The following RANBP2 variants were observed in gnomAD, a reference collection of about 807,000 sequenced individuals.
RANBP2 encodes RAN binding protein 2.
RANBP2 carries 57 observed loss-of-function variants against 303.6 expected under a neutral mutation model. That is an observed-to-expected ratio of 0.19 (90% confidence interval 0.15 to 0.23). RANBP2 has a LOEUF of 0.23. Ranked by LOEUF, RANBP2 falls within the 10% of genes least tolerant of loss-of-function variation. RANBP2 has a pLI of 1.00. For missense variants in RANBP2, 3,138 were observed against 3,780.8 expected (o/e 0.83, Z 4.46); for synonymous variants, 1,167 against 1,301.5 (o/e 0.90, Z 2.23).
the RANBP2 span, among the ~76,000 whole-genome samples, chr2:109,770,590 CG>C: frequency 2.8e-5 from 1 of 35,758 alleles, no homozygotes; most frequent in East Asian, 1.2e-3. Flanking sequence ...AATATTGGTC[CG>C]GGGCCTGTTA....
the RANBP2 span, among the ~76,000 whole-genome samples, chr2:109,256,143 G>T: frequency 6.6e-6 from 1 of 152,140 alleles, no homozygotes; most frequent in African/African-American, 2.4e-5. Context: ...GCTTCTGGCC[G>T]CTGTGACCCA....
intron 19 of RANBP2, among the ~76,000 whole-genome samples, chr2:108,762,896 A>T (rs1407716875): frequency 6.6e-6 from 1 of 152,178 alleles, no homozygotes; most frequent in African/African-American, 2.4e-5. Flanking sequence ...AGATTTTAAG[A>T]TGCTATACAT....
chr2:109,692,593 C>T, the RANBP2 span, among the ~76,000 whole-genome samples: 45 of 152,082 alleles, frequency 3.0e-4, no homozygotes, highest in African/African-American at 8.9e-4. Flanking sequence ...AGGCCGAGGC[C>T]GTGTGGGAGA....
At chr2:109,455,344 TACC>T in the RANBP2 span, among the ~76,000 whole-genome samples, 1 of 152,194 alleles carries the variant, frequency 6.6e-6, no homozygotes, top group Non-Finnish European at 1.5e-5. Flanking sequence ...ATGAATCACT[TACC>T]AGTCCATGTG....
the RANBP2 span, among the ~76,000 whole-genome samples, chr2:108,855,370 A>G: frequency 3.9e-5 from 6 of 152,138 alleles, no homozygotes; most frequent in African/African-American, 1.4e-4. Context: ...TTGTCAAATT[A>G]TATACTAAGA....
At chr2:109,572,256 G>C in the RANBP2 span, among the ~76,000 whole-genome samples, 4 of 152,004 alleles carry the variant, frequency 2.6e-5, no homozygotes, top group African/African-American at 9.7e-5. Flanking sequence ...TCAGTCTCCC[G>C]AGTAGCCGGG....
chr2:109,627,517 G>A, the RANBP2 span, among the ~76,000 whole-genome samples: 1 of 152,186 alleles, frequency 6.6e-6, no homozygotes, highest in Non-Finnish European at 1.5e-5. Context: ...TTTAATGGAA[G>A]AACATAAAAG....
the RANBP2 span, among the ~76,000 whole-genome samples, chr2:108,841,328 C>T: frequency 2.6e-5 from 4 of 152,126 alleles, no homozygotes; most frequent in East Asian, 5.8e-4. Context: ...ATACTTTGTC[C>T]TGTTCTATCA....
At chr2:109,700,928 G>A in the RANBP2 span, among the ~76,000 whole-genome samples, 1 of 152,144 alleles carries the variant, frequency 6.6e-6, no homozygotes, top group Non-Finnish European at 1.5e-5. Flanking sequence ...GGGAGTTTAG[G>A]GAAAGGCAAG....
Position 108,766,316 on chromosome 2 carries a change from A to G in RANBP2, c.5777A>G (p.Asp1926Gly), listed in dbSNP as rs1279242218. Residue 1926 changes from aspartate to glycine, a missense_variant, in exon 20 of 29, where the codon GAT (aspartate) becomes GGT (glycine). By Grantham distance (94) the Asp-to-Gly change is moderately conservative (BLOSUM62 -1). This residue lies in a region of RANBP2 where 348 missense variants were observed against 360.4 expected (regional missense o/e 0.97). Transcript: ENST00000283195. ...LENGTGFQAQ[D>G]ISGQKNGRGV... ...AATGGTACTGGCTTCCAGGCTCAGG[A>G]TATTAGTGGCCAGAAGAATGGCCGT... 1.2e-6 allele frequency: 2 copies of G among 1,612,024 alleles called. No individual in the cohort carries two copies. The highest frequency in any genetic ancestry group is 2.2e-5 in the East Asian group (1 of 44,880).
the RANBP2 span, among the ~76,000 whole-genome samples, chr2:109,623,204 G>A: frequency 7.9e-5 from 12 of 152,108 alleles, no homozygotes; most frequent in Non-Finnish European, 1.2e-4. Flanking sequence ...TTGTTCTATC[G>A]GAATCTATTA....
At chr2:108,967,886 G>A in the RANBP2 span, among the ~76,000 whole-genome samples, 1 of 152,122 alleles carries the variant, frequency 6.6e-6, no homozygotes, top group Non-Finnish European at 1.5e-5. Flanking sequence ...AACAAAAGAT[G>A]GAAAACCCTC....
At chr2:108,903,975 TA>T in the RANBP2 span, among the ~76,000 whole-genome samples, 2 of 152,148 alleles carry the variant, frequency 1.3e-5, no homozygotes, top group African/African-American at 4.8e-5. Flanking sequence ...CATAAAAATT[TA>T]AAACATCATT....
the RANBP2 span, among the ~76,000 whole-genome samples, chr2:108,828,809 T>A: frequency 2.1e-4 from 32 of 152,116 alleles, 1 homozygote; most frequent in Non-Finnish European, 4.4e-5. Context: ...AAACCCTATC[T>A]GTACTAAAAA....
the RANBP2 span, among the ~76,000 whole-genome samples, chr2:109,420,509 G>A: frequency 6.6e-6 from 1 of 152,058 alleles, no homozygotes; most frequent in African/African-American, 2.4e-5. Flanking sequence ...GCAATGGCGC[G>A]ATCCCGGCTC....
chr2:109,534,784 A>C, the RANBP2 span, among the ~76,000 whole-genome samples: 2 of 151,536 alleles, frequency 1.3e-5, no homozygotes, highest in Non-Finnish European at 2.9e-5. Context: ...AAAAAAAAAA[A>C]GTTTGGGAGT....
intron 4 of RANBP2, among the ~76,000 whole-genome samples, chr2:108,734,317 A>G (rs1161219038): frequency 1.3e-5 from 2 of 152,124 alleles, no homozygotes; most frequent in Non-Finnish European, 2.9e-5. Flanking sequence ...GGTATGGGGA[A>G]GTTGAGGAAA....
At chr2:109,319,458 C>T in the RANBP2 span, among the ~76,000 whole-genome samples, 43,701 of 151,936 alleles carry the variant, frequency 0.29, 6,760 homozygotes, top group East Asian at 0.65. Flanking sequence ...ACAAGTGATT[C>T]GTTTTCTTAC....
the RANBP2 span, among the ~76,000 whole-genome samples, chr2:109,100,583 T>C: frequency 6.6e-6 from 1 of 151,848 alleles, no homozygotes; most frequent in African/African-American, 2.4e-5. Context: ...CATTAAGAAG[T>C]CCAAAGGTGA....
Sources: allele counts gnomAD v4.1 joint callset (sites outside exome capture counted in the v4.1 genomes callset), GRCh38; gene constraint gnomAD v4.1.1; regional missense constraint gnomAD v4.1.1; transcripts MANE v1.5; gene names NCBI Gene and HGNC (gene_info 2026-07-23, HGNC 2026-07-21).